The following NAV1 variants were observed in gnomAD, a reference collection of about 807,000 sequenced individuals.
The protein encoded by NAV1 is pore membrane and/or filament interacting like protein 3.
NAV1 carries 18 observed loss-of-function variants against 175.2 expected under a neutral mutation model. The ratio of observed to expected loss-of-function variants is 0.10; its 90% CI spans 0.07 to 0.15. NAV1 has a LOEUF of 0.15. NAV1 is among the 10% of genes least tolerant of loss of function. The pLI is 1.00. For missense variants in NAV1, 1,731 were observed against 2,436.6 expected (o/e 0.71, Z 6.10); for synonymous variants, 897 against 978.7 (o/e 0.92, Z 1.56).
rs530615574 is a variant in NAV1 at position 201,771,450 on chromosome 1, GAC to G, written c.1227-8970_1227-8969del. Among the ~76,000 whole-genome samples the G allele has an allele frequency of 2.6e-4, 37 of 140,528 alleles. 1 individual carries two copies. The East Asian group carries it at 7.7e-3, about 29-fold the overall frequency. 92.2% of individuals were successfully genotyped at this position (140,528 alleles called of 152,430 possible). A position where few individuals can be genotyped will look rare whatever the true frequency, so the allele number is the denominator to read the frequency against. Reference sequence around the variant, plus strand: ...GGAGGCGGAGGTTGCAGTGAGCCGAGACCACACCATTGCACTCCAGCCTGGGG... The same window carrying G: ...GGAGGCGGAGGTTGCAGTGAGCCGAGCACACCATTGCACTCCAGCCTGGGG... On this transcript the variant is annotated intron_variant, in intron 3 of 29. Transcript: ENST00000367296.
chr1:201,610,895 A>G (rs1667824852), intron 2 of NAV1, among the ~76,000 whole-genome samples: 1 of 152,222 alleles, frequency 6.6e-6, no homozygotes, highest in Non-Finnish European at 1.5e-5. Flanking sequence ...AAAGGAGGCC[A>G]TGCCACAGTC....
chr1:201,556,284 G>C (rs1666008017), intron 1 of NAV1, among the ~76,000 whole-genome samples: 1 of 152,128 alleles, frequency 6.6e-6, no homozygotes, highest in South Asian at 2.1e-4. Context: ...CGGGCATGGT[G>C]GTGGGTGTCT....
chr1:201,804,186 TAGGTCCAG>T, intron 16 of NAV1: 1 of 516,066 alleles, frequency 1.9e-6, no homozygotes, highest in South Asian at 2.1e-5. Flanking sequence ...TTACCTTTGG[TAGGTCCAG>T]AAGTCATTTT....
At chr1:201,722,884 T>A (rs1218025159) in intron 3 of NAV1, among the ~76,000 whole-genome samples, 1 of 152,232 alleles carries the variant, frequency 6.6e-6, no homozygotes, top group Non-Finnish European at 1.5e-5. Flanking sequence ...GTTGGGTAGA[T>A]CACTTGAGGT....
At chr1:201,723,607 C>G (rs1179155717) in intron 3 of NAV1, 1 of 152,134 alleles carries the variant, frequency 6.6e-6, no homozygotes, top group Non-Finnish European at 1.5e-5. Context: ...TCAGACTTAC[C>G]AATGCAGAAT....
At chr1:201,648,571 T>TCCTCCTCCCCCG (rs1669063467) in exon 1 of NAV1, 3 of 1,150,260 alleles carry the variant, frequency 2.6e-6, no homozygotes, top group South Asian at 7.6e-5. Context: ...TCTCTCCCCC[T>TCCTCCTCCCCCG]CCTCCTCCCC....
intron 1 of NAV1, 138 bp from the exon 4 acceptor site, chr1:201,629,266 G>C (rs1319629138): frequency 2.3e-6 from 1 of 427,442 alleles, no homozygotes; most frequent in African/African-American, 2.1e-5. Context: ...ACCCATCAGG[G>C]AGGGGCTGGC....
intron 3 of NAV1, among the ~76,000 whole-genome samples, chr1:201,728,948 C>G (rs1036243023): frequency 2.0e-5 from 3 of 152,214 alleles, no homozygotes; most frequent in African/African-American, 7.2e-5. Flanking sequence ...GCTCCTTCCT[C>G]TAGTGTGTCC....
intron 7 of NAV1, 103 bp from the exon 12 acceptor site, chr1:201,785,207 A>G: frequency 2.5e-6 from 3 of 1,187,582 alleles, no homozygotes; most frequent in Non-Finnish European, 2.4e-6. Flanking sequence ...TCCTGCGTCT[A>G]GGGTCTGCAT....
chr1:201,583,696 T>C (rs1666936226), intron 1 of NAV1, among the ~76,000 whole-genome samples: 1 of 152,218 alleles, frequency 6.6e-6, no homozygotes, highest in South Asian at 2.1e-4. Context: ...TGGAAATAAA[T>C]AAGGAGCTGT....
exon 1 of NAV1, chr1:201,623,233 T>G: frequency 1.0e-6 from 1 of 985,754 alleles, no homozygotes; most frequent in African/African-American, 1.7e-5. Context: ...CCGGGCTGGA[T>G]CCGGAAGAAT....
In NAV1 at chr1:201,813,552, A is replaced by T. The variant is rs531508809; in HGVS notation, c.5340+294A>T. 1.4e-3 allele frequency among the ~76,000 whole-genome samples: 214 copies of T among 152,282 alleles called. 1 individual carries two copies. Among genetic ancestry groups the T allele is most frequent in the African/African-American group, 4.9e-3 (204 of 41,534 alleles). On this transcript the variant is annotated intron_variant, in intron 28 of 29. Coordinates refer to ENST00000367296, the Ensembl canonical transcript of NAV1. This position sits in a 1 kb window ranked among gnomAD's most constrained non-coding sequence, Gnocchi z 4.2. ...GAGCAAACAGAAAAATAATTGAGCT[A>T]AGAAGTAAGTAAAACCCTAATTAAA...
chr1:201,807,270 G>A lies in NAV1; in HGVS notation c.3649-683G>A, dbSNP rs759391764. On this transcript the variant is annotated intron_variant, in intron 17 of 29. Transcript: ENST00000367296. The surrounding 1 kb of genome is among the most constrained non-coding windows in gnomAD (Gnocchi z 5.4). ...GACATTGGAAATCATAGAAAATGCT[G>A]TCTGGCTGTTTTAACCATTCTGTGA... Among the ~76,000 whole-genome samples the A allele has an allele frequency of 6.6e-6, 1 of 152,194 alleles. No individual in the cohort carries two copies. The highest frequency in any genetic ancestry group is 2.4e-5 in the African/African-American group (1 of 41,450).
chr1:201,705,514 T>C (rs473819), intron 1 of NAV1, among the ~76,000 whole-genome samples: 9,638 of 152,138 alleles, frequency 0.063, 423 homozygotes, highest in South Asian at 0.15. Context: ...GGGGTAAGGA[T>C]GAAAACCCTG....
At chr1:201,639,424 A>G (rs531037324) in intron 2 of NAV1, among the ~76,000 whole-genome samples, 1 of 152,292 alleles carries the variant, frequency 6.6e-6, no homozygotes, top group Non-Finnish European at 1.5e-5. Flanking sequence ...CTCCCCAAGG[A>G]GGGGAAGGAG....
In NAV1 at chr1:201,718,161, AT is replaced by A. The variant is rs554552114; in HGVS notation, c.861-226del. ...ATCTAGGGTCTTAACAGTATACAGG[AT>A]TTCTTCCCTAGCCACTTAATTAAGA... is the stretch of plus-strand genomic sequence containing the variant. On this transcript the variant is annotated intron_variant, in intron 2 of 29. Transcript: ENST00000367296. This position sits in a 1 kb window ranked among gnomAD's most constrained non-coding sequence, Gnocchi z 4.8. 1.2e-3 allele frequency among the ~76,000 whole-genome samples: 176 copies of A among 152,338 alleles called. 1 individual carries two copies. Among genetic ancestry groups the A allele is most frequent in the Admixed American group, 5.2e-3 (80 of 15,310 alleles).
chr1:201,678,986 C>T (rs116759443), intron 1 of NAV1, among the ~76,000 whole-genome samples: 3,395 of 151,994 alleles, frequency 0.022, 140 homozygotes, highest in African/African-American at 0.077. Flanking sequence ...AGACAAAGGT[C>T]GGGGAGCCCA....
Position 201,718,832 on chromosome 1 carries a change from T to A in NAV1, c.1226+77T>A. On this transcript the variant is annotated intron_variant, in intron 3 of 29. Coordinates refer to ENST00000367296, the Ensembl canonical transcript of NAV1. The surrounding 1 kb of genome is among the most constrained non-coding windows in gnomAD (Gnocchi z 4.8). ...GGGATGCGACGCCTTAAAAGTGGAG[T>A]GGAACCCAAAACGGGTTTTGGTTTG... The A allele has an allele frequency of 6.5e-7, 1 of 1,530,378 alleles. No individual in the cohort carries two copies. Among genetic ancestry groups the A allele is most frequent in the Non-Finnish European group, 8.8e-7 (1 of 1,133,254 alleles). The allele number at this position is 1,530,378 out of a possible 1,614,324, so 94.8% of individuals were successfully genotyped here. A position where few individuals can be genotyped will look rare whatever the true frequency, so the allele number is the denominator to read the frequency against.
chr1:201,727,729 AG>A (rs1483653629), intron 3 of NAV1, among the ~76,000 whole-genome samples: 1 of 152,244 alleles, frequency 6.6e-6, no homozygotes, highest in Non-Finnish European at 1.5e-5. Flanking sequence ...GTTCATGTGC[AG>A]GTTACTGCTG....
Sources: allele counts gnomAD v4.1 joint callset (sites outside exome capture counted in the v4.1 genomes callset), GRCh38; gene constraint gnomAD v4.1.1; non-coding constraint Gnocchi (gnomAD v3.1); transcripts MANE v1.5; gene names NCBI Gene and HGNC (gene_info 2026-07-23, HGNC 2026-07-21).